The following SNX29 variants were observed in gnomAD, a reference collection of about 807,000 sequenced individuals.
SNX29 encodes the protein sorting nexin-29.
In SNX29, 78 loss-of-function variants were observed where a neutral mutation model predicts 102.1. The ratio of observed to expected loss-of-function variants is 0.76; its 90% CI spans 0.64 to 0.92. SNX29 has a LOEUF of 0.92. Ranked by LOEUF, SNX29 falls within the 40% of genes least tolerant of loss-of-function variation. SNX29 has a pLI of 0.00. For synonymous variants in SNX29, 580 were observed against 414.5 expected (o/e 1.40, Z -4.85); for missense variants, 1,280 against 1,061.7 (o/e 1.21, Z -2.86).
At chr16:12,412,610 T>G (rs145106555) in intron 18 of SNX29, among the ~76,000 whole-genome samples, 7 of 152,356 alleles carry the variant, frequency 4.6e-5, no homozygotes, top group African/African-American at 1.4e-4. Flanking sequence ...GCATAAAGTC[T>G]TCGCGTGTTA....
intron 15 of SNX29, among the ~76,000 whole-genome samples, chr16:12,348,911 AG>A (rs111749482): frequency 0.063 from 9,607 of 152,190 alleles, 1,002 homozygotes; most frequent in African/African-American, 0.22. Flanking sequence ...CCTCGTGCGC[AG>A]GGAGTGCCCC....
chr16:12,312,454 T>C (rs1273497311), intron 15 of SNX29, among the ~76,000 whole-genome samples: 1 of 152,224 alleles, frequency 6.6e-6, no homozygotes, highest in Non-Finnish European at 1.5e-5. Flanking sequence ...GAGAAAACCC[T>C]GTTCGTCTGC....
intron 20 of SNX29, chr16:12,561,283 G>A (rs747792451): frequency 7.5e-4 from 174 of 230,600 alleles, no homozygotes; most frequent in African/African-American, 8.4e-4. Flanking sequence ...AAGACACAGG[G>A]AGAACATTCT....
chr16:12,073,022 T>A (rs2051371668), intron 10 of SNX29, among the ~76,000 whole-genome samples: 1 of 152,218 alleles, frequency 6.6e-6, no homozygotes, highest in African/African-American at 2.4e-5. Flanking sequence ...ATATCCCCTT[T>A]ATCATTTTTT....
At chr16:12,039,180 C>T (rs556508341) in intron 4 of SNX29, among the ~76,000 whole-genome samples, 9 of 152,226 alleles carry the variant, frequency 5.9e-5, no homozygotes, top group Non-Finnish European at 1.2e-4. Flanking sequence ...CACGCGAATG[C>T]CCTCTGCTAT....
intron 11 of SNX29, among the ~76,000 whole-genome samples, chr16:12,100,970 G>A (rs79328246): frequency 2.6e-5 from 4 of 152,142 alleles, no homozygotes; most frequent in Admixed American, 2.6e-4. Flanking sequence ...ACATTGAAAC[G>A]ATCAGTGCAA....
chr16:11,989,641 G>A (rs2055768454), intron 1 of SNX29, among the ~76,000 whole-genome samples: 1 of 152,234 alleles, frequency 6.6e-6, no homozygotes, highest in South Asian at 2.1e-4. Context: ...AGCCACAGAA[G>A]TGAGCTGCAC....
intron 20 of SNX29, among the ~76,000 whole-genome samples, chr16:12,559,848 G>A (rs535257031): frequency 3.6e-4 from 55 of 152,246 alleles, no homozygotes; most frequent in African/African-American, 1.3e-3. Flanking sequence ...ATGCCAGACT[G>A]CTTTGATTTA....
intron 18 of SNX29, among the ~76,000 whole-genome samples, chr16:12,413,924 A>G (rs778887993): frequency 9.2e-5 from 14 of 152,216 alleles, no homozygotes; most frequent in East Asian, 1.9e-4. Context: ...CCCCCCATGG[A>G]CACCCAAATC....
At chr16:12,058,695 T>C (rs1199788322) in intron 8 of SNX29, among the ~76,000 whole-genome samples, 3 of 151,378 alleles carry the variant, frequency 2.0e-5, no homozygotes, top group African/African-American at 7.3e-5. Context: ...GGTTTCACCA[T>C]GTTGGCCAGG....
chr16:12,169,885 C>T (rs1431025035), intron 13 of SNX29, among the ~76,000 whole-genome samples: 1 of 151,948 alleles, frequency 6.6e-6, no homozygotes, highest in African/African-American at 2.4e-5. Context: ...AAGTGATTAT[C>T]CTGCCTCGGC....
intron 18 of SNX29, among the ~76,000 whole-genome samples, chr16:12,442,756 A>T (rs896687120): frequency 1.3e-5 from 2 of 151,618 alleles, no homozygotes; most frequent in Non-Finnish European, 2.9e-5. Flanking sequence ...ACACCTGGCT[A>T]ATTTTTTCTT....
intron 15 of SNX29, among the ~76,000 whole-genome samples, chr16:12,334,977 C>T (rs999747008): frequency 7.0e-6 from 1 of 142,772 alleles, no homozygotes; most frequent in South Asian, 2.2e-4. Context: ...GGCCTGTCAT[C>T]GACTGAGCAT....
At chr16:12,548,373 G>C (rs2077742406) in intron 20 of SNX29, among the ~76,000 whole-genome samples, 1 of 152,184 alleles carries the variant, frequency 6.6e-6, no homozygotes, top group South Asian at 2.1e-4. Context: ...ACATGGAAGG[G>C]AGTCCCACAC....
At chr16:12,255,100 C>T (rs543389991) in intron 14 of SNX29, among the ~76,000 whole-genome samples, 3 of 152,162 alleles carry the variant, frequency 2.0e-5, no homozygotes, top group Non-Finnish European at 4.4e-5. Flanking sequence ...ATGATTAAAT[C>T]AAGTTAATAA....
chr16:12,355,531 T>C (rs774840567), intron 15 of SNX29, among the ~76,000 whole-genome samples: 1 of 152,184 alleles, frequency 6.6e-6, no homozygotes, highest in Non-Finnish European at 1.5e-5. Context: ...TAAAGATGCT[T>C]GCAGGATTCT....
intron 15 of SNX29, among the ~76,000 whole-genome samples, chr16:12,279,957 C>A (rs987436787): frequency 6.6e-6 from 1 of 152,160 alleles, no homozygotes; most frequent in African/African-American, 2.4e-5. Flanking sequence ...TTCGCAGGGT[C>A]CACAAAGGCA....
chr16:12,526,112 T>G (rs1410534162), intron 20 of SNX29, among the ~76,000 whole-genome samples: 1 of 152,202 alleles, frequency 6.6e-6, no homozygotes, highest in African/African-American at 2.4e-5. Context: ...ACCTGTGGGA[T>G]TGGGACTTAT....
At chr16:12,463,642 G>A (rs771273594) in intron 18 of SNX29, among the ~76,000 whole-genome samples, 1 of 151,990 alleles carries the variant, frequency 6.6e-6, no homozygotes, top group South Asian at 2.1e-4. Context: ...ATTTGGGTGG[G>A]GATACAGAAC....
Sources: allele counts gnomAD v4.1 joint callset (sites outside exome capture counted in the v4.1 genomes callset), GRCh38; gene constraint gnomAD v4.1.1; transcripts MANE v1.5; gene names NCBI Gene and HGNC (gene_info 2026-07-23, HGNC 2026-07-21).